SPAG16: variants seen among roughly 807,000 people sequenced by gnomAD.
The protein encoded by SPAG16 is sperm-associated antigen 16 protein.
Under a neutral mutation model 80.4 loss-of-function variants are expected in SPAG16, and 86 were observed. The observed-to-expected ratio is 1.07, with a 90% CI of 0.90 to 1.28. The LOEUF (loss-of-function observed/expected upper bound fraction) is 1.28. SPAG16 is among the 50% of genes most tolerant of loss of function. SPAG16 has a pLI of 0.00. For missense variants in SPAG16, 870 were observed against 765.3 expected, an observed-to-expected ratio of 1.14 and a Z score of -1.61; for synonymous variants, 294 against 265.9, an observed-to-expected ratio of 1.11 and a Z score of -1.03.
intron 12 of SPAG16, among the ~76,000 whole-genome samples, chr2:213,993,083 G>A (rs2046359819): frequency 6.6e-6 from 1 of 152,206 alleles, no homozygotes; most frequent in African/African-American, 2.4e-5. Flanking sequence ...CAGAGTTTGA[G>A]CTGTTTCACT....
chr2:213,740,437 A>G (rs914578707), intron 10 of SPAG16, among the ~76,000 whole-genome samples: 3 of 152,214 alleles, frequency 2.0e-5, no homozygotes, highest in Admixed American at 2.0e-4. Flanking sequence ...CTCACTACCA[A>G]AAAGAGGTGA....
intron 12 of SPAG16, among the ~76,000 whole-genome samples, chr2:213,965,391 G>C (rs1369941296): frequency 6.7e-6 from 1 of 149,670 alleles, no homozygotes; most frequent in Non-Finnish European, 1.5e-5. Context: ...TGGTTGGTCT[G>C]TCTCTCTTGC....
At chr2:213,709,638 G>T (rs1223849719) in intron 10 of SPAG16, among the ~76,000 whole-genome samples, 1 of 151,766 alleles carries the variant, frequency 6.6e-6, no homozygotes, top group Non-Finnish European at 1.5e-5. Context: ...ACCTTACTCT[G>T]TTTTTTTCAA....
chr2:213,750,142 G>T (rs1419125535), intron 10 of SPAG16, among the ~76,000 whole-genome samples: 1 of 152,154 alleles, frequency 6.6e-6, no homozygotes, highest in Non-Finnish European at 1.5e-5. Flanking sequence ...TGCAGGACAA[G>T]TACTCCAAGA....
chr2:213,903,254 C>T (rs1158981340), intron 11 of SPAG16, among the ~76,000 whole-genome samples: 1 of 152,222 alleles, frequency 6.6e-6, no homozygotes, highest in Non-Finnish European at 1.5e-5. Flanking sequence ...CCACATTTCC[C>T]TTCTGCACTG....
chr2:214,360,424 T>C (rs1230018796), intron 15 of SPAG16, among the ~76,000 whole-genome samples: 1 of 151,914 alleles, frequency 6.6e-6, no homozygotes, highest in Non-Finnish European at 1.5e-5. Context: ...TTCACTTTTA[T>C]AAACAAGTTC....
chr2:213,401,207 C>A (rs2125337303), intron 9 of SPAG16, among the ~76,000 whole-genome samples: 1 of 152,356 alleles, frequency 6.6e-6, no homozygotes, highest in Admixed American at 6.5e-5. Flanking sequence ...TTGATATATG[C>A]TTGCACATTT....
chr2:213,832,981 TTG>T (rs1338933181), intron 10 of SPAG16, among the ~76,000 whole-genome samples: 1 of 152,132 alleles, frequency 6.6e-6, no homozygotes, highest in Non-Finnish European at 1.5e-5. Flanking sequence ...GCTATGAAAT[TTG>T]TATATATGTT....
chr2:214,108,458 CACACACACACACACACACACA>C (rs1357297664), intron 14 of SPAG16, among the ~76,000 whole-genome samples, 197 bp downstream of exon 14: 2 of 97,532 alleles, frequency 2.1e-5, no homozygotes, highest in Non-Finnish European at 4.3e-5. Context: ...CACACACACA[CACACACACACACACACACACA>C]CCCCCACACA....
intron 10 of SPAG16, among the ~76,000 whole-genome samples, chr2:213,823,498 T>G (rs1559497532): frequency 6.6e-6 from 1 of 152,082 alleles, no homozygotes; most frequent in Non-Finnish European, 1.5e-5. Flanking sequence ...GTAGCTGGGA[T>G]TCCAGGCATG....
chr2:213,936,193 A>G (rs1007007438), intron 12 of SPAG16, among the ~76,000 whole-genome samples: 3 of 152,294 alleles, frequency 2.0e-5, no homozygotes, highest in African/African-American at 7.2e-5. Flanking sequence ...TGGTGGTAGC[A>G]TGACCCATGT....
chr2:213,787,286 A>G (rs1387144213), intron 10 of SPAG16, among the ~76,000 whole-genome samples: 1 of 152,146 alleles, frequency 6.6e-6, no homozygotes, highest in Non-Finnish European at 1.5e-5. Context: ...AAGAAGTAGA[A>G]GTTGATGAGT....
At chr2:213,561,048 G>A (rs1173182581) in intron 10 of SPAG16, among the ~76,000 whole-genome samples, 1 of 152,172 alleles carries the variant, frequency 6.6e-6, no homozygotes, top group African/African-American at 2.4e-5. Flanking sequence ...ATTTTTGGTA[G>A]AGATGAGGTT....
At chr2:214,014,210 A>T in intron 13 of SPAG16, 133 bp downstream of exon 13, 1 of 1,136,946 alleles carries the variant, frequency 8.8e-7, no homozygotes, top group South Asian at 1.7e-5. Flanking sequence ...TAAAAAGTTC[A>T]TAATTACAAG....
chr2:213,912,273 T>C (rs1228657668), intron 11 of SPAG16, among the ~76,000 whole-genome samples: 1 of 152,184 alleles, frequency 6.6e-6, no homozygotes, highest in East Asian at 1.9e-4. Context: ...TATGAATAGT[T>C]ATACACTTTC....
At chr2:213,848,592 A>G (rs143328357) in intron 10 of SPAG16, among the ~76,000 whole-genome samples, 236 of 152,292 alleles carry the variant, frequency 1.5e-3, no homozygotes, top group African/African-American at 5.4e-3. Context: ...AGTTATATCT[A>G]TCTGGTTGCC....
At chr2:214,097,170 A>G (rs2052647582) in intron 13 of SPAG16, among the ~76,000 whole-genome samples, 1 of 152,074 alleles carries the variant, frequency 6.6e-6, no homozygotes, top group Non-Finnish European at 1.5e-5. Context: ...ATAGTAGGTG[A>G]TAAGTAGGAG....
intron 11 of SPAG16, among the ~76,000 whole-genome samples, chr2:213,908,581 G>A (rs1457322002): frequency 1.3e-5 from 2 of 151,992 alleles, no homozygotes; most frequent in Non-Finnish European, 2.9e-5. Flanking sequence ...CTCATTCGAC[G>A]AGAATTCATA....
chr2:214,133,196 C>G (rs2125505028), intron 14 of SPAG16, among the ~76,000 whole-genome samples: 1 of 151,752 alleles, frequency 6.6e-6, no homozygotes, highest in South Asian at 2.1e-4. Flanking sequence ...CTGGTAATTC[C>G]CTGTTGGAGG....
Sources: gnomAD v4.1 joint callset for allele counts (sites outside exome capture counted in the v4.1 genomes callset) on GRCh38, gnomAD v4.1.1 for gene constraint, MANE v1.5 for transcripts, NCBI Gene and HGNC (gene_info 2026-07-23, HGNC 2026-07-21) for gene names.